SLC45A2: variants seen among roughly 807,000 people sequenced by gnomAD.
SLC45A2 encodes solute carrier family 45 member 2, also known as membrane-associated transporter protein.
SLC45A2 carries 36 observed loss-of-function variants against 45.5 expected under a neutral mutation model. The observed-to-expected ratio is 0.79, with a 90% CI of 0.61 to 1.04. SLC45A2 has a LOEUF of 1.04. Among genes scored for constraint, SLC45A2 ranks in the 50% least tolerant of loss-of-function variants. The pLI is 0.00. For synonymous variants in SLC45A2, 306 were observed against 269.3 expected (o/e 1.14, Z -1.33); for missense variants, 719 against 671.0 (o/e 1.07, Z -0.79).
chr5:33,955,641 A>T (rs1752251632), intron 3 of SLC45A2, among the ~76,000 whole-genome samples: 1 of 152,082 alleles, frequency 6.6e-6, no homozygotes, highest in East Asian at 1.9e-4. Context: ...ATATATGTTT[A>T]TACACACACA....
At chr5:33,945,838 G>T in intron 6 of SLC45A2, 1 of 588,064 alleles carries the variant, frequency 1.7e-6, no homozygotes, top group Non-Finnish European at 2.1e-6. Flanking sequence ...ATTATCCTTT[G>T]AATAAGAAAG....
At chr5:33,982,481 C>T in intron 1 of SLC45A2, 69 bp from the exon 2 acceptor site, 3 of 1,474,118 alleles carry the variant, frequency 2.0e-6, no homozygotes, top group African/African-American at 1.4e-5. Flanking sequence ...TAATTTCCAC[C>T]TAAACTTCTT....
In SLC45A2 at chr5:33,947,296, G is replaced by A. The variant is rs149980670; in HGVS notation, c.1235C>T (p.Thr412Met). The A allele has an allele frequency of 2.4e-5, 39 of 1,614,000 alleles. No individual in the cohort carries two copies. Among genetic ancestry groups the A allele is most frequent in the Admixed American group, 3.3e-5 (2 of 59,996 alleles). ...ATTCGGGAAGAGCCCAATAAATCCC[G>A]TCCCCAGGCCAAACAGCAAATATCC... ...FTGYLLFGLG[T>M]GFIGLFPNVY... is the part of the protein sequence containing the mutation. Residue 412 changes from threonine to methionine, a missense_variant, in exon 6 of 7, where the codon ACG becomes ATG. By Grantham distance (81) the Thr-to-Met change is moderately conservative. Transcript: ENST00000296589.
chr5:33,967,001 G>A (rs891441766), intron 2 of SLC45A2, among the ~76,000 whole-genome samples: 11 of 152,154 alleles, frequency 7.2e-5, no homozygotes, highest in African/African-American at 2.7e-4. Context: ...AATTTAGTGA[G>A]GATTAATGCA....
At chr5:33,947,097 C>T (rs765001786) in intron 6 of SLC45A2, 66 bp downstream of exon 6, 2 of 1,614,028 alleles carry the variant, frequency 1.2e-6, no homozygotes, top group South Asian at 1.1e-5. Flanking sequence ...ACATTGCTAC[C>T]AAATCCTCCC....
rs535596067 is a variant in SLC45A2, at chr5:33,977,184, G to C, written c.562+5052C>G. Among the ~76,000 whole-genome samples the C allele has an allele frequency of 2.0e-5, 3 of 152,360 alleles. No homozygotes were observed. In the South Asian group the frequency reaches 6.2e-4, roughly 32 times the overall value. On this transcript the variant is annotated intron_variant, in intron 2 of 6. Transcript: ENST00000296589. ...GGCGGCTGTCTGCCAGCCAGGAAGA[G>C]AGGCCTCACCAGAAACCAACCCTGA... is the stretch of plus-strand genomic sequence containing the variant.
chr5:33,982,480 C>A, intron 1 of SLC45A2, 68 bp from the exon 2 acceptor site: 1 of 1,477,936 alleles, frequency 6.8e-7, no homozygotes, highest in Non-Finnish European at 9.4e-7. Context: ...GTAATTTCCA[C>A]CTAAACTTCT....
At chr5:33,957,416 C>T (rs1199009871) in intron 3 of SLC45A2, among the ~76,000 whole-genome samples, 3 of 152,076 alleles carry the variant, frequency 2.0e-5, no homozygotes, top group Non-Finnish European at 2.9e-5. Flanking sequence ...TATATTCGCC[C>T]ATTTTAATTT....
At position 33,982,327 on chromosome 5, in the gene SLC45A2, G is replaced by C. The variant is rs776638497; in HGVS notation, c.471C>G (p.Asp157Glu). The change falls in exon 2 of 7, where the codon GAC becomes GAG. Residue 157 changes from aspartate (D) to glutamate (E), a missense_variant. Asp to Glu is a conservative substitution (Grantham distance 45). Coordinates refer to ENST00000296589, the MANE Select transcript of SLC45A2 (RefSeq NM_016180.5). ...AGGCTTTGATGGGCCCATCAATGAA[G>C]TCGGCAGCAAAATCAAAGAGAACGA... is the stretch of plus-strand genomic sequence containing the variant. ...IGVVLFDFAA[D>E]FIDGPIKAYL... 2.5e-6 allele frequency: 4 copies of C among 1,614,064 alleles called. No homozygotes were observed. The Admixed American group carries it at 6.7e-5, about 27-fold the overall frequency.
intron 2 of SLC45A2, among the ~76,000 whole-genome samples, chr5:33,966,782 C>G (rs1022228530): frequency 6.6e-6 from 1 of 152,098 alleles, no homozygotes; most frequent in Non-Finnish European, 1.5e-5. Flanking sequence ...TTCAATATAT[C>G]AATGAATTCA....
intron 2 of SLC45A2, among the ~76,000 whole-genome samples, chr5:33,976,265 A>G (rs1016227872): frequency 6.6e-6 from 1 of 152,214 alleles, no homozygotes; most frequent in Non-Finnish European, 1.5e-5. Flanking sequence ...CCAGTCCCCC[A>G]AAAAGATCAT....
At chr5:33,977,204 C>A (rs549030043) in intron 2 of SLC45A2, among the ~76,000 whole-genome samples, 1 of 152,312 alleles carries the variant, frequency 6.6e-6, no homozygotes, top group Non-Finnish European at 1.5e-5. Context: ...CAGAAACCAA[C>A]CCTGACAGCT....
intron 3 of SLC45A2, among the ~76,000 whole-genome samples, chr5:33,960,654 G>T (rs540299518): frequency 1.1e-4 from 17 of 152,124 alleles, no homozygotes; most frequent in Non-Finnish European, 2.5e-4. Context: ...CAAATTGGGT[G>T]CAGTGTGTAC....
chr5:33,971,521 CTCCATCTCCCAGGCTCAGGTGATCCT>C, intron 2 of SLC45A2: 1 of 268,762 alleles, frequency 3.7e-6, no homozygotes, highest in Non-Finnish European at 7.2e-6. Context: ...TCACTGCAAC[CTCCATCTCCCAGGCTCAGGTGATCCT>C]TCCACCTCAG....
intron 5 of SLC45A2, among the ~76,000 whole-genome samples, chr5:33,949,983 A>G (rs1356260959): frequency 3.3e-5 from 5 of 151,934 alleles, no homozygotes; most frequent in Admixed American, 6.6e-5. Context: ...AGCCCAGGAG[A>G]TCGAGACCAG....
Position 33,972,462 on chromosome 5 carries a change from T to C in SLC45A2, c.563-8446A>G, listed in dbSNP as rs1044080603. On this transcript the variant is annotated intron_variant, in intron 2 of 6. Coordinates refer to ENST00000296589, the MANE Select transcript of SLC45A2 (RefSeq NM_016180.5). The stretch of plus-strand genomic sequence containing the variant: ...ATTAATTATGGAGTAATTGTGAAGT[T>C]TGCAGATGACTTTAATGGAGGAGAC... The C allele has an allele frequency of 4.4e-5, 13 of 294,412 alleles. No individual in the cohort carries two copies. The Admixed American group carries it at 4.9e-4, about 11-fold the overall frequency. 18.2% of individuals were successfully genotyped at this position (294,412 alleles called of 1,614,324 possible). A position where few individuals can be genotyped will look rare whatever the true frequency, so the allele number is the denominator to read the frequency against.
chr5:33,960,349 C>G (rs906608693), intron 3 of SLC45A2, among the ~76,000 whole-genome samples: 11 of 151,676 alleles, frequency 7.3e-5, no homozygotes, highest in African/African-American at 2.2e-4. Flanking sequence ...GTTGGTTCCA[C>G]GTTTTTGCAA....
At chr5:33,973,066 G>C (rs1057293968) in intron 2 of SLC45A2, among the ~76,000 whole-genome samples, 1 of 152,186 alleles carries the variant, frequency 6.6e-6, no homozygotes, top group Non-Finnish European at 1.5e-5. Flanking sequence ...GGGTACCTCT[G>C]TGATGGGAGT....
chr5:33,967,264 A>G (rs1752627629), intron 2 of SLC45A2, among the ~76,000 whole-genome samples: 1 of 152,252 alleles, frequency 6.6e-6, no homozygotes, highest in South Asian at 2.1e-4. Context: ...CTATTGTGGC[A>G]TGTAGCAAGT....
Sources: allele counts gnomAD v4.1 joint callset (sites outside exome capture counted in the v4.1 genomes callset), GRCh38; gene constraint gnomAD v4.1.1; transcripts MANE v1.5; gene names NCBI Gene and HGNC (gene_info 2026-07-23, HGNC 2026-07-21).